The following TBX18 variants were observed in gnomAD, a reference collection of about 807,000 sequenced individuals.
TBX18 encodes the protein T-box transcription factor TBX18.
Under a neutral mutation model 55.0 loss-of-function variants are expected in TBX18, and 21 were observed. That is an observed-to-expected ratio of 0.38 (90% CI 0.27 to 0.55). The LOEUF (loss-of-function observed/expected upper bound fraction) is 0.55. TBX18 is among the 20% of genes least tolerant of loss of function. The pLI is 0.73. For missense variants in TBX18, 840 were observed against 799.6 expected, an observed-to-expected ratio of 1.05 and a Z score of -0.61; for synonymous variants, 342 against 326.1, an observed-to-expected ratio of 1.05 and a Z score of -0.53.
rs200601121 is a variant in TBX18, at chr6:84,756,776, C to T, written c.693G>A (p.Ser231=). 21 of 1,614,110 alleles carry T rather than the reference C, an allele frequency of 1.3e-5. No individual in the cohort carries two copies. The highest frequency in any genetic ancestry group is 8.9e-5 in the East Asian group (4 of 44,866). Residue 231 remains serine, a synonymous_variant, in exon 4 of 8, where the codon TCG becomes TCA. Coordinates refer to ENST00000369663, the MANE Select transcript of TBX18 (RefSeq NM_001080508.3). ...TAACTTGTCTCATCCAAGTCTCCCC[C>T]GAGGCAGGCGAGTCTGGATGAATGT... ...RVYIHPDSPA[S]GETWMRQVIS...
intron 4 of TBX18, among the ~76,000 whole-genome samples, chr6:84,751,554 A>T (rs915082347): frequency 6.6e-6 from 1 of 152,214 alleles, no homozygotes; most frequent in African/African-American, 2.4e-5. Context: ...TTATGATAGC[A>T]TTATGTGCTT....
chr6:84,740,412 C>T (rs1767016763), intron 6 of TBX18, among the ~76,000 whole-genome samples: 2 of 152,178 alleles, frequency 1.3e-5, no homozygotes, highest in Admixed American at 1.3e-4. Context: ...GGTCTGAAAC[C>T]CTTATTAATC....
At chr6:84,740,114 T>C (rs1465245434) in intron 6 of TBX18, among the ~76,000 whole-genome samples, 1 of 152,132 alleles carries the variant, frequency 6.6e-6, no homozygotes, top group East Asian at 1.9e-4. Context: ...TTCAAAGAGA[T>C]GTCTGCAGCC....
At chr6:84,762,082 A>G (rs1767662067) in intron 2 of TBX18, among the ~76,000 whole-genome samples, 1 of 152,126 alleles carries the variant, frequency 6.6e-6, no homozygotes, top group African/African-American at 2.4e-5. Flanking sequence ...TAAAGAACCA[A>G]TCTGCCTGGG....
At position 84,759,063 on chromosome 6, in the gene TBX18, C is replaced by T. The variant is rs147371611; in HGVS notation, c.599+1192G>A. 4.1e-4 allele frequency among the ~76,000 whole-genome samples: 62 copies of T among 152,186 alleles called. No homozygotes were observed. The East Asian group carries it at 0.011, about 27-fold the overall frequency. Reference sequence around the variant, plus strand: ...TTAAGAATTATATTATCTTCCTCAGCACAAAACCCCATTTGGAATATGGGT... The same window carrying T: ...TTAAGAATTATATTATCTTCCTCAGTACAAAACCCCATTTGGAATATGGGT... On this transcript the variant is annotated intron_variant, in intron 3 of 7. Transcript: ENST00000369663.
rs201312372 is a variant in TBX18 at position 84,737,181 on chromosome 6, T to A, written c.1328A>T (p.Asn443Ile). The change falls in exon 8 of 8, where the codon AAC becomes ATC. Residue 443 changes from asparagine to isoleucine, a missense_variant. Physicochemically the swap from Asn to Ile is moderately radical, Grantham distance 149. Coordinates refer to ENST00000369663, the MANE Select transcript of TBX18 (RefSeq NM_001080508.3). Reference sequence around the variant, plus strand: ...CGGGGCAAAGGTCTCACCAGCCTGGTTGGTGAGCCTGTTGTAGGTCTCTGC... The same window carrying A: ...CGGGGCAAAGGTCTCACCAGCCTGGATGGTGAGCCTGTTGTAGGTCTCTGC... ...SLAETYNRLT[N>I]QAGETFAPPR... 6.2e-7 allele frequency: 1 copy of A among 1,613,592 alleles called. No individual in the cohort carries two copies. Among genetic ancestry groups the A allele is most frequent in the African/African-American group, 1.3e-5 (1 of 75,020 alleles).
Position 84,737,027 on chromosome 6 carries a change from G to C in TBX18, c.1482C>G (p.Pro494=), listed in dbSNP as rs369827154. 3 of 1,614,074 alleles carry C rather than the reference G, an allele frequency of 1.9e-6. No individual in the cohort carries two copies. The highest frequency in any genetic ancestry group is 2.5e-6 in the Non-Finnish European group (3 of 1,179,972). ...SLSMQISGMS[P]QLQYIMPSPS... Reference sequence around the variant, plus strand: ...GTGATGGCATGATATACTGGAGCTGGGGGGACATTCCCGAAATCTGCATGG... The same window carrying C: ...GTGATGGCATGATATACTGGAGCTGCGGGGACATTCCCGAAATCTGCATGG... Residue 494 remains proline, a synonymous_variant, in exon 8 of 8, where the codon CCC becomes CCG. Transcript: ENST00000369663.
Position 84,738,546 on chromosome 6 carries a change from T to C in TBX18, c.1050A>G (p.Pro350=). The C allele has an allele frequency of 2.5e-6, 4 of 1,614,120 alleles. No individual in the cohort carries two copies. The highest frequency in any genetic ancestry group is 3.4e-6 in the Non-Finnish European group (4 of 1,180,012). ...ALVESYAFWR[P]SLRTLTFEDI... ...CTTCAAAGGTCAGAGTCCGTAGTGA[T>C]GGTCGCCAGAATGCATATGATTCCA... Residue 350 remains proline (P), a synonymous_variant, in exon 7 of 8, where the codon CCA becomes CCG. Coordinates refer to ENST00000369663, the MANE Select transcript of TBX18 (RefSeq NM_001080508.3).
chr6:84,738,666 A>C (rs111705328), intron 6 of TBX18, 75 bp from the exon 7 acceptor site: 4 of 1,118,308 alleles, frequency 3.6e-6, no homozygotes, highest in Middle Eastern at 2.7e-4. Context: ...CACCAGCAGC[A>C]AGCATCTCAA....
At chr6:84,757,586 C>A (rs1468769690) in intron 3 of TBX18, among the ~76,000 whole-genome samples, 1 of 151,782 alleles carries the variant, frequency 6.6e-6, no homozygotes, top group Admixed American at 6.6e-5. Flanking sequence ...ATATTGCTAA[C>A]CAAAAAATAA....
chr6:84,738,297 C>G (rs1178052944), intron 7 of TBX18, among the ~76,000 whole-genome samples, 200 bp downstream of exon 7: 1 of 152,152 alleles, frequency 6.6e-6, no homozygotes, highest in Non-Finnish European at 1.5e-5. Flanking sequence ...CCTAAGACAT[C>G]TAAGATTTAA....
chr6:84,739,961 C>T (rs1465503607), intron 6 of TBX18, among the ~76,000 whole-genome samples: 2 of 152,206 alleles, frequency 1.3e-5, no homozygotes, highest in Non-Finnish European at 2.9e-5. Flanking sequence ...ATCTTAGTGA[C>T]AGAATGATGT....
At chr6:84,763,281 G>T (rs1339067380) in intron 1 of TBX18, 5 of 422,472 alleles carry the variant, frequency 1.2e-5, no homozygotes, top group Admixed American at 2.6e-5. Flanking sequence ...TCTTCTAGAA[G>T]GCTCTTCAGA....
chr6:84,763,929 G>T lies in TBX18; in HGVS notation c.253C>A (p.Pro85Thr). The change falls in exon 1 of 8, where the codon CCG (proline) becomes ACG (threonine). Residue 85 changes from proline (P) to threonine (T), a missense_variant. Physicochemically the swap from Pro to Thr is conservative, Grantham distance 38. Transcript: ENST00000369663. Reference protein sequence around the residue: ...LPPPAGATSGPARSGADLERG... With the variant: ...LPPPAGATSGTARSGADLERG... ...TCCAGGTCTGCGCCACTCCGAGCCGGCCCAGACGTCGCCCCAGCCGGCGGC... is the reference window on the plus strand; with the variant it reads ...TCCAGGTCTGCGCCACTCCGAGCCGTCCCAGACGTCGCCCCAGCCGGCGGC... 1.3e-6 allele frequency: 2 copies of T among 1,575,264 alleles called. No homozygotes were observed.
Position 84,756,802 on chromosome 6 carries a change from A to G in TBX18, c.667T>C (p.Tyr223His). The change falls in exon 4 of 8, where the codon TAC becomes CAC. Residue 223 changes from tyrosine to histidine, a missense_variant. Coordinates refer to ENST00000369663, the MANE Select transcript of TBX18 (RefSeq NM_001080508.3). Reference sequence around the variant, plus strand: ...GAGGCAGGCGAGTCTGGATGAATGTACACACGGGGTGGCACAGGCGAGTCA... The same window carrying G: ...GAGGCAGGCGAGTCTGGATGAATGTGCACACGGGGTGGCACAGGCGAGTCA... Reference protein sequence around the residue: ...NADSPVPPRVYIHPDSPASGE... With the variant: ...NADSPVPPRVHIHPDSPASGE... 1 of 1,614,128 alleles carries G rather than the reference A, an allele frequency of 6.2e-7. No homozygotes were observed. The highest frequency in any genetic ancestry group is 8.5e-7 in the Non-Finnish European group (1 of 1,180,028).
At position 84,737,362 on chromosome 6, in the gene TBX18, G is replaced by A; in HGVS notation, c.1147C>T (p.Pro383Ser). 5 of 1,553,456 alleles carry A rather than the reference G, an allele frequency of 3.2e-6. No individual in the cohort carries two copies. Among genetic ancestry groups the A allele is most frequent in the Non-Finnish European group, 4.3e-6 (5 of 1,152,848 alleles). Residue 383 changes from proline (P) to serine (S), a missense_variant, in exon 8 of 8, where the codon CCT (proline) becomes TCT (serine). Coordinates refer to ENST00000369663, the MANE Select transcript of TBX18 (RefSeq NM_001080508.3). Reference protein sequence around the residue: ...TLLQGTGNGVPATHPHLLSGS... With the variant: ...TLLQGTGNGVSATHPHLLSGS... The stretch of plus-strand genomic sequence containing the variant: ...GACAAAAGGTGAGGGTGAGTGGCAG[G>A]AACGCCATTCCCAGTACCTTGGAGC...
rs1767680672 is a variant in TBX18 at position 84,762,579 on chromosome 6, C to T, written c.462G>A (p.Glu154=). 1 of 1,613,878 alleles carries T rather than the reference C, an allele frequency of 6.2e-7. No homozygotes were observed. The highest frequency in any genetic ancestry group is 1.7e-5 in the Admixed American group (1 of 60,012). ...TGGTGATGATCATCTCAGTGCCTAT[C>T]TCATGAAAGCGCTTCCAGAGCTCGG... ...QGAELWKRFH[E]IGTEMIITKA... The change falls in exon 2 of 8, where the codon GAG becomes GAA. Residue 154 remains glutamate (E), a synonymous_variant. Transcript: ENST00000369663.
intron 2 of TBX18, 68 bp from the exon 3 acceptor site, chr6:84,760,424 A>C: frequency 9.7e-7 from 1 of 1,026,990 alleles, no homozygotes; most frequent in Non-Finnish European, 1.4e-6. Flanking sequence ...GAGCGTGAAT[A>C]AGCAAAGAAA....
Position 84,736,958 on chromosome 6 carries a change from G to C in TBX18, c.1551C>G (p.Ser517=). Residue 517 remains serine (S), a synonymous_variant, in exon 8 of 8, where the codon TCC becomes TCG. Transcript: ENST00000369663. ...GGCTGTGTAATCTAAAAGTATTATA[G>C]GAACCCTGATGGGTCTGGTTAGTGG... ...AFATNQTHQG[S]YNTFRLHSPC... is the part of the protein sequence containing the mutation. 2 of 1,609,356 alleles carry C rather than the reference G, an allele frequency of 1.2e-6. No homozygotes were observed. The highest frequency in any genetic ancestry group is 2.2e-5 in the South Asian group (2 of 90,342).
Sources: allele counts gnomAD v4.1 joint callset (sites outside exome capture counted in the v4.1 genomes callset), GRCh38; gene constraint gnomAD v4.1.1; transcripts MANE v1.5; gene names NCBI Gene and HGNC (gene_info 2026-07-23, HGNC 2026-07-21).